TMEM176B: variants seen among roughly 807,000 people sequenced by gnomAD.
TMEM176B encodes the protein transmembrane protein 176B.
TMEM176B carries 28 observed loss-of-function variants against 30.3 expected under a neutral mutation model. That is an observed-to-expected ratio of 0.92 (90% confidence interval 0.68 to 1.27). The LOEUF (loss-of-function observed/expected upper bound fraction) is 1.27, where lower values mean the gene tolerates loss of function less well. Ranked by LOEUF, TMEM176B falls within the 50% of genes most tolerant of loss-of-function variation. TMEM176B has a pLI of 0.00. For synonymous variants in TMEM176B, 123 were observed against 130.3 expected (o/e 0.94, Z 0.38); for missense variants, 349 against 327.4 (o/e 1.07, Z -0.51).
In TMEM176B at chr7:150,792,036, G is replaced by T; in HGVS notation, c.720+20C>A. 1 of 1,612,828 alleles carries T rather than the reference G, an allele frequency of 6.2e-7. No individual in the cohort carries two copies. Among genetic ancestry groups the T allele is most frequent in the South Asian group, 1.1e-5 (1 of 90,926 alleles). On this transcript the variant is annotated intron_variant, in intron 6 of 6. Coordinates refer to ENST00000326442, the MANE Select transcript of TMEM176B (RefSeq NM_001101312.2). Reference sequence around the variant, plus strand: ...CCACCCAGACTCACGCTGCCCAGAGGCCCCTCCCCGACAACTCACCAGGGG... The same window carrying T: ...CCACCCAGACTCACGCTGCCCAGAGTCCCCTCCCCGACAACTCACCAGGGG...
intron 2 of TMEM176B, among the ~76,000 whole-genome samples, chr7:150,794,354 C>T (rs1336863080): frequency 1.3e-5 from 2 of 151,764 alleles, no homozygotes; most frequent in African/African-American, 2.4e-5. Context: ...CCCACTTTTC[C>T]CCCCCCATTC....
At chr7:150,801,352 A>T, upstream of TMEM176B, 1 of 485,982 alleles carries the variant, frequency 2.1e-6, no homozygotes. Flanking sequence ...CAGTTCCAGC[A>T]TGGTCAGCAC....
intron 1 of TMEM176B, among the ~76,000 whole-genome samples, chr7:150,799,485 A>C (rs1798675370): frequency 6.6e-6 from 1 of 152,282 alleles, no homozygotes; most frequent in African/African-American, 2.4e-5. Flanking sequence ...TAAATCCTGC[A>C]TAGGCAATTC....
chr7:150,791,601 C>G lies in TMEM176B; in HGVS notation c.743G>C (p.Arg248Thr). The G allele has an allele frequency of 6.2e-7, 1 of 1,613,910 alleles. No individual in the cohort carries two copies. Among genetic ancestry groups the G allele is most frequent in the Non-Finnish European group, 8.5e-7 (1 of 1,179,958 alleles). ...QPLNEEGSEK[R>T]LLGENSVPPS... is the part of the protein sequence containing the mutation. ...GGGCACTGAATTCTCCCCCAGTAGC[C>G]TCTTCTCTGATCCTTCCTCATTCTG... The change falls in exon 7 of 7, where the codon AGG (arginine) becomes ACG (threonine). Residue 248 changes from arginine to threonine, a missense_variant. Transcript: ENST00000326442.
chr7:150,794,790 G>A (rs542607146), intron 2 of TMEM176B, among the ~76,000 whole-genome samples: 72 of 151,852 alleles, frequency 4.7e-4, no homozygotes, highest in South Asian at 3.5e-3. Flanking sequence ...CCAATAAGCC[G>A]TTCACACACC....
intron 5 of TMEM176B, 147 bp downstream of exon 5, chr7:150,792,941 C>T: frequency 1.4e-6 from 1 of 695,064 alleles, no homozygotes; most frequent in Non-Finnish European, 2.4e-6. Context: ...TGAAAAATGT[C>T]TGTAGCTTAC....
intron 4 of TMEM176B, 57 bp from the exon 5 acceptor site, chr7:150,793,372 G>A: frequency 6.5e-7 from 1 of 1,549,412 alleles, no homozygotes. Context: ...AGAGTCATGA[G>A]GTCCCCGCCT....
chr7:150,796,134 A>C (rs1798513336), intron 2 of TMEM176B, among the ~76,000 whole-genome samples: 1 of 151,848 alleles, frequency 6.6e-6, no homozygotes, highest in African/African-American at 2.4e-5. Flanking sequence ...GCTCCCCAAA[A>C]CCTATGATCT....
intron 1 of TMEM176B, among the ~76,000 whole-genome samples, chr7:150,798,659 A>G (rs140701246): frequency 6.6e-6 from 1 of 151,460 alleles, no homozygotes; most frequent in Non-Finnish European, 1.5e-5. Context: ...CAATCCTCCC[A>G]CCTCAGCCTC....
chr7:150,793,714 G>A (rs1585273978), intron 3 of TMEM176B, 114 bp from the exon 4 acceptor site: 1 of 805,636 alleles, frequency 1.2e-6, no homozygotes, highest in Non-Finnish European at 1.9e-6. Flanking sequence ...CCCAGGGACA[G>A]ACAAAGAACT....
At chr7:150,800,873 C>T, upstream of TMEM176B, 1 of 980,968 alleles carries the variant, frequency 1.0e-6, no homozygotes, top group East Asian at 1.1e-4. Context: ...CCTCCTTCCG[C>T]ACGCACCCCG....
chr7:150,794,916 C>T (rs1289800846), intron 2 of TMEM176B, among the ~76,000 whole-genome samples: 1 of 42,804 alleles, frequency 2.3e-5, no homozygotes, highest in Non-Finnish European at 6.1e-5. Flanking sequence ...ACCACACACA[C>T]ACACACACAC....
At chr7:150,798,760 G>A (rs908615924) in intron 1 of TMEM176B, among the ~76,000 whole-genome samples, 2 of 152,068 alleles carry the variant, frequency 1.3e-5, no homozygotes, top group African/African-American at 4.8e-5. Context: ...CATATGTTCA[G>A]GGCCATTTTT....
At chr7:150,792,601 G>A (rs28406026) in intron 5 of TMEM176B, among the ~76,000 whole-genome samples, 2,432 of 152,212 alleles carry the variant, frequency 0.016, 60 homozygotes, top group African/African-American at 0.049. Context: ...GACAGCCCCC[G>A]CTGAGCTCCG....
chr7:150,797,267 C>A (rs1030359766), intron 1 of TMEM176B, among the ~76,000 whole-genome samples: 1 of 152,176 alleles, frequency 6.6e-6, no homozygotes, highest in Non-Finnish European at 1.5e-5. Flanking sequence ...GCATACTATA[C>A]ACACTGATTT....
chr7:150,797,911 G>A (rs1016190631), intron 1 of TMEM176B, among the ~76,000 whole-genome samples: 3 of 152,170 alleles, frequency 2.0e-5, no homozygotes, highest in African/African-American at 4.8e-5. Context: ...CCAGGAATGC[G>A]CATTTGCAAT....
chr7:150,795,632 C>T (rs1798494502), intron 2 of TMEM176B, among the ~76,000 whole-genome samples: 1 of 152,216 alleles, frequency 6.6e-6, no homozygotes, highest in African/African-American at 2.4e-5. Context: ...GGCTTTCAGT[C>T]CATGTGGGGT....
intron 6 of TMEM176B, 91 bp from the exon 7 acceptor site, chr7:150,791,714 G>A (rs115801921): frequency 3.3e-6 from 4 of 1,196,304 alleles, no homozygotes; most frequent in Non-Finnish European, 4.7e-6. Flanking sequence ...GAGGAAAGGA[G>A]GAGGGAAAGG....
chr7:150,800,493 GA>G (rs1798737376), upstream of TMEM176B: 1 of 152,224 alleles, frequency 6.6e-6, no homozygotes, highest in African/African-American at 2.4e-5. Flanking sequence ...GACCGGGCGG[GA>G]GAAGACCGAG....
Sources: gnomAD v4.1 joint callset for allele counts (sites outside exome capture counted in the v4.1 genomes callset) on GRCh38, gnomAD v4.1.1 for gene constraint, MANE v1.5 for transcripts, NCBI Gene and HGNC (gene_info 2026-07-23, HGNC 2026-07-21) for gene names.